The following SMAD3 variants were observed in gnomAD, a reference collection of about 807,000 sequenced individuals.
SMAD3 encodes the protein SMAD family member 3, also known as MAD homolog 3.
A neutral mutation model predicts 51.8 loss-of-function variants in SMAD3; 12 were observed. The observed-to-expected ratio is 0.23, with a 90% CI of 0.15 to 0.38. The LOEUF (loss-of-function observed/expected upper bound fraction) is 0.38. Ranked by LOEUF, SMAD3 falls within the 10% of genes least tolerant of loss-of-function variation. The pLI is 1.00. For synonymous variants in SMAD3, 238 were observed against 227.7 expected (o/e 1.05, Z -0.41); for missense variants, 294 against 565.6 (o/e 0.52, Z 4.87).
intron 1 of SMAD3, among the ~76,000 whole-genome samples, chr15:67,105,904 C>T (rs1960867012): frequency 6.6e-6 from 1 of 152,190 alleles, no homozygotes; most frequent in African/African-American, 2.4e-5. Context: ...CATTCCCCGG[C>T]CCTCCCTGCC....
chr15:67,071,537 A>G (rs894793289), intron 1 of SMAD3, among the ~76,000 whole-genome samples: 9 of 152,134 alleles, frequency 5.9e-5, no homozygotes, highest in Non-Finnish European at 1.2e-4. Flanking sequence ...TTGGCTGGGC[A>G]CGGTGGCTCA....
chr15:67,170,226 A>C (rs1400012388), intron 4 of SMAD3, among the ~76,000 whole-genome samples: 1 of 152,198 alleles, frequency 6.6e-6, no homozygotes, highest in Non-Finnish European at 1.5e-5. Context: ...TAAAGAAAAA[A>C]TGTGTCACTT....
intron 1 of SMAD3, among the ~76,000 whole-genome samples, chr15:67,153,665 C>A (rs1022704905): frequency 6.6e-6 from 1 of 152,112 alleles, no homozygotes; most frequent in African/African-American, 2.4e-5. Flanking sequence ...TCACAGCTAC[C>A]GGCATCCAGT....
chr15:67,137,884 T>G, intron 1 of SMAD3: 2 of 625,330 alleles, frequency 3.2e-6, no homozygotes, highest in African/African-American at 1.8e-5. Context: ...TTTGGATTTC[T>G]TCTGTCTGGG....
chr15:67,092,033 C>G (rs1245419909), intron 1 of SMAD3, among the ~76,000 whole-genome samples: 6 of 152,298 alleles, frequency 3.9e-5, no homozygotes, highest in Admixed American at 1.3e-4. Flanking sequence ...GCAGTTGCAG[C>G]TGCTTCTAAA....
At chr15:67,072,089 TGAAA>T (rs1294937181) in intron 1 of SMAD3, among the ~76,000 whole-genome samples, 3 of 152,166 alleles carry the variant, frequency 2.0e-5, no homozygotes, top group Non-Finnish European at 4.4e-5. Flanking sequence ...TTGATGAAAT[TGAAA>T]GAATTTGTTT....
rs559385250 is a variant in SMAD3, at chr15:67,133,325, A to G, written c.207-31570A>G. On this transcript the variant is annotated intron_variant, in intron 1 of 8. Coordinates refer to ENST00000327367, the MANE Select transcript of SMAD3 (RefSeq NM_005902.4). ...CCATTTGTCCTGTTTGAGCACTATC[A>G]GGCCTATAGCCATAATCTTTTACAC... 2.0e-5 allele frequency among the ~76,000 whole-genome samples: 3 copies of G among 152,248 alleles called. No individual in the cohort carries two copies. In the East Asian group the frequency reaches 5.8e-4, roughly 29 times the overall value.
rs1277254923 is a variant in SMAD3 at position 67,075,958 on chromosome 15, T to G, written c.206+9598T>G. Among the ~76,000 whole-genome samples the G allele has an allele frequency of 3.9e-4, 59 of 151,868 alleles. 2 individuals are homozygous for G. Among genetic ancestry groups the G allele is most frequent in the Admixed American group, 3.9e-3 (59 of 15,262 alleles). ...CGCAAGTGAGATAAGATGTATCAAGTACTTTGCCAGTATCGATCATAATAC... is the reference window on the plus strand; with the variant it reads ...CGCAAGTGAGATAAGATGTATCAAGGACTTTGCCAGTATCGATCATAATAC... On this transcript the variant is annotated intron_variant, in intron 1 of 8. Transcript: ENST00000327367.
intron 1 of SMAD3, among the ~76,000 whole-genome samples, chr15:67,086,158 T>A (rs1168197012): frequency 6.6e-6 from 1 of 152,172 alleles, no homozygotes; most frequent in East Asian, 1.9e-4. Flanking sequence ...CCACACTTTT[T>A]TCATGAAACT....
chr15:67,187,017 A>G (rs1361871737), intron 7 of SMAD3: 1 of 483,420 alleles, frequency 2.1e-6, no homozygotes, highest in East Asian at 6.0e-5. Context: ...CCCTTTGCCC[A>G]AGGAAAGGCC....
chr15:67,085,186 A>T (rs1960362406), intron 1 of SMAD3, among the ~76,000 whole-genome samples: 1 of 152,160 alleles, frequency 6.6e-6, no homozygotes, highest in Non-Finnish European at 1.5e-5. Flanking sequence ...CGGCTCAGTA[A>T]ACAACTGACC....
At chr15:67,171,076 A>C (rs895795397) in intron 5 of SMAD3, among the ~76,000 whole-genome samples, 1 of 152,184 alleles carries the variant, frequency 6.6e-6, no homozygotes, top group African/African-American at 2.4e-5. Flanking sequence ...AATAAAGTCA[A>C]AGTGCCCATA....
chr15:67,175,707 GGCTTCCCCTCT>G (rs375210412), intron 5 of SMAD3, among the ~76,000 whole-genome samples: 11 of 152,168 alleles, frequency 7.2e-5, no homozygotes, highest in African/African-American at 2.7e-4. Flanking sequence ...TGACAGGCCC[GGCTTCCCCTCT>G]GCTTCATGAG....
rs1566991387 is a variant in SMAD3 at position 67,164,909 on chromosome 15, G to A, written c.221G>A (p.Arg74Gln). Residue 74 changes from arginine to glutamine, a missense_variant, in exon 2 of 9, where the codon CGG becomes CAG. By Grantham distance (43) the Arg-to-Gln change is conservative (BLOSUM62 1). Around this residue, in one of 3 missense-constraint regions of SMAD3, gnomAD observed 147 missense variants for 260.9 expected, o/e 0.56. Coordinates refer to ENST00000327367, the MANE Select transcript of SMAD3 (RefSeq NM_005902.4). ...CGTCCTGGCAGGTCCCTGGATGGCC[G>A]GTTGCAGGTGTCCCATCGGAAGGGG... The part of the protein sequence containing the change: ...CITIPRSLDG[R>Q]LQVSHRKGLP... 1 of 1,613,060 alleles carries A rather than the reference G, an allele frequency of 6.2e-7. No homozygotes were observed. The highest frequency in any genetic ancestry group is 8.5e-7 in the Non-Finnish European group (1 of 1,180,036).
chr15:67,182,925 C>T (rs1963098606), intron 6 of SMAD3, among the ~76,000 whole-genome samples: 1 of 146,436 alleles, frequency 6.8e-6, no homozygotes, highest in Admixed American at 6.9e-5. Context: ...CCATCTCAGC[C>T]TCCTGATTAG....
At chr15:67,183,021 ATATATATATATTTTT>A (rs1963119844) in intron 6 of SMAD3, among the ~76,000 whole-genome samples, 3 of 73,370 alleles carry the variant, frequency 4.1e-5, no homozygotes, top group African/African-American at 1.3e-4. Context: ...ATATATATAT[ATATATATATATTTTT>A]TTTTTTTTTT....
intron 1 of SMAD3, among the ~76,000 whole-genome samples, chr15:67,085,856 A>G (rs1006572395): frequency 4.8e-5 from 7 of 144,922 alleles, no homozygotes; most frequent in Non-Finnish European, 1.1e-4. Flanking sequence ...TGGTTGGTCA[A>G]AAAAAAAGCG....
intron 1 of SMAD3, among the ~76,000 whole-genome samples, chr15:67,098,351 A>C (rs62006012): frequency 2.4e-4 from 29 of 121,744 alleles, no homozygotes; most frequent in Admixed American, 1.9e-3. Context: ...AGGGAGGGAG[A>C]GAGCGAGCGA....
chr15:67,175,894 C>T (rs1489079803), intron 5 of SMAD3, among the ~76,000 whole-genome samples: 17 of 152,060 alleles, frequency 1.1e-4, no homozygotes, highest in Admixed American at 1.0e-3. Flanking sequence ...CGGTCTTCCC[C>T]ACACTTGTGA....
Sources: allele counts gnomAD v4.1 joint callset (sites outside exome capture counted in the v4.1 genomes callset), GRCh38; gene constraint gnomAD v4.1.1; regional missense constraint gnomAD v4.1.1; transcripts MANE v1.5; gene names NCBI Gene and HGNC (gene_info 2026-07-23, HGNC 2026-07-21).